The following EIPR1 variants were observed in gnomAD, a reference collection of about 807,000 sequenced individuals.
The protein encoded by EIPR1 is EARP complex and GARP complex interacting protein 1.
Under a neutral mutation model 48.1 loss-of-function variants are expected in EIPR1, and 25 were observed. The ratio of observed to expected loss-of-function variants is 0.52; its 90% CI spans 0.38 to 0.73. The LOEUF is 0.73. Among genes scored for constraint, EIPR1 ranks in the 30% least tolerant of loss-of-function variants. EIPR1 has a pLI of 0.00. For missense variants in EIPR1, 415 were observed against 506.2 expected (o/e 0.82, Z 1.73); for synonymous variants, 204 against 201.9 (o/e 1.01, Z -0.09).
At chr2:3,317,582 C>T (rs1669351310) in intron 3 of EIPR1, among the ~76,000 whole-genome samples, 1 of 152,208 alleles carries the variant, frequency 6.6e-6, no homozygotes, top group African/African-American at 2.4e-5. Context: ...AGGCCCCTCC[C>T]ACCTTACTTA....
chr2:3,376,503 C>A (rs184448261), intron 1 of EIPR1, among the ~76,000 whole-genome samples: 1 of 152,204 alleles, frequency 6.6e-6, no homozygotes, highest in African/African-American at 2.4e-5. Flanking sequence ...CCAGCCAGGC[C>A]AAGATGGTGA....
chr2:3,296,656 C>A (rs1572410412), intron 3 of EIPR1, among the ~76,000 whole-genome samples: 2 of 139,258 alleles, frequency 1.4e-5, no homozygotes, highest in South Asian at 2.5e-4. Flanking sequence ...CAGCCCATCC[C>A]GTCTACACAC....
At chr2:3,196,809 T>C in intron 6 of EIPR1, 72 bp downstream of exon 6, 2 of 1,569,528 alleles carry the variant, frequency 1.3e-6, no homozygotes, top group Non-Finnish European at 1.7e-6. Flanking sequence ...CACCATCAGC[T>C]CCACCATCAT....
At chr2:3,370,050 G>A (rs1671075420) in intron 1 of EIPR1, among the ~76,000 whole-genome samples, 1 of 152,170 alleles carries the variant, frequency 6.6e-6, no homozygotes, top group Non-Finnish European at 1.5e-5. Context: ...ACTTCCAGAG[G>A]AACGATCATA....
In EIPR1 at chr2:3,276,096, CCATT is replaced by C. The variant is rs964244198; in HGVS notation, c.260-18645_260-18642del. Among the ~76,000 whole-genome samples the C allele has an allele frequency of 1.6e-4, 25 of 152,160 alleles. 1 individual carries two copies. Among genetic ancestry groups the C allele is most frequent in the Admixed American group, 1.4e-3 (21 of 15,276 alleles). On this transcript the variant is annotated intron_variant, in intron 3 of 8. Transcript: ENST00000382125. ...AAAGGACACCACTAAAGTGAAGAAA[CCATT>C]CAATTTCATAGGCATTGCTATGAAA...
At chr2:3,243,701 C>G (rs1476661275) in intron 4 of EIPR1, among the ~76,000 whole-genome samples, 2 of 152,092 alleles carry the variant, frequency 1.3e-5, no homozygotes, top group East Asian at 3.9e-4. Flanking sequence ...ACAAGCAAAA[C>G]CAGGACCATT....
intron 3 of EIPR1, among the ~76,000 whole-genome samples, chr2:3,280,779 G>A (rs1667990854): frequency 6.6e-6 from 1 of 152,140 alleles, no homozygotes; most frequent in African/African-American, 2.4e-5. Context: ...AGTGAAAGCT[G>A]TGCCTTCCAG....
chr2:3,202,087 G>C (rs186683279), intron 5 of EIPR1, among the ~76,000 whole-genome samples: 1 of 151,956 alleles, frequency 6.6e-6, no homozygotes, highest in Admixed American at 6.6e-5. Context: ...ACAGGCGCCC[G>C]CCACCACGCC....
intron 2 of EIPR1, among the ~76,000 whole-genome samples, chr2:3,347,825 G>A (rs777096246): frequency 6.6e-6 from 1 of 152,222 alleles, no homozygotes; most frequent in African/African-American, 2.4e-5. Context: ...AGTCAGGGAC[G>A]CTTAGTGACA....
chr2:3,353,242 A>C, intron 2 of EIPR1: 1 of 471,196 alleles, frequency 2.1e-6, no homozygotes, highest in Non-Finnish European at 4.4e-6. Context: ...GTCTTGGAAC[A>C]CATCCCCTGT....
chr2:3,326,254 T>A (rs1218706847), intron 3 of EIPR1, among the ~76,000 whole-genome samples: 1 of 152,200 alleles, frequency 6.6e-6, no homozygotes, highest in Non-Finnish European at 1.5e-5. Flanking sequence ...TCTCATTATT[T>A]AACAGCGGTG....
In EIPR1 at chr2:3,189,566, G is replaced by C. The variant is rs6726532; in HGVS notation, c.990-58C>G. On this transcript the variant is annotated intron_variant, in intron 8 of 8. Transcript: ENST00000382125. The surrounding 1 kb of genome is among the most constrained non-coding windows in gnomAD (Gnocchi z 4.6). ...CAGCTCCGGCGGGGCGGGCAGGAGA[G>C]GGGCAGGGAGGACGCGAGCGCTGAC... 7.6e-6 allele frequency: 11 copies of C among 1,454,910 alleles called. No individual in the cohort carries two copies. In the South Asian group the frequency reaches 1.6e-4, roughly 21 times the overall value. The allele number at this position is 1,454,910 out of a possible 1,614,324, so 90.1% of individuals were successfully genotyped here.
At chr2:3,285,237 G>A (rs746606114) in intron 3 of EIPR1, among the ~76,000 whole-genome samples, 15 of 152,106 alleles carry the variant, frequency 9.9e-5, no homozygotes, top group Non-Finnish European at 2.1e-4. Flanking sequence ...GGAGAAGCAG[G>A]CTCCAAGCAC....
At chr2:3,339,415 C>T (rs1456385552) in intron 2 of EIPR1, among the ~76,000 whole-genome samples, 1 of 152,258 alleles carries the variant, frequency 6.6e-6, no homozygotes, top group African/African-American at 2.4e-5. Context: ...AGCACCTACA[C>T]ATCACCCAGG....
intron 4 of EIPR1, among the ~76,000 whole-genome samples, chr2:3,241,552 A>G (rs961937001): frequency 1.3e-5 from 2 of 152,240 alleles, no homozygotes; most frequent in African/African-American, 4.8e-5. Context: ...TCGCTACTCC[A>G]AACTAAGACG....
chr2:3,214,408 A>C, intron 4 of EIPR1, 160 bp from the exon 5 acceptor site: 1 of 601,658 alleles, frequency 1.7e-6, no homozygotes, highest in East Asian at 3.0e-5. Flanking sequence ...GCCTGACAAC[A>C]CTGTTGTTGT....
rs536280061 is a variant in EIPR1, at chr2:3,229,919, T to C, written c.417-15671A>G. Among the ~76,000 whole-genome samples the C allele has an allele frequency of 1.1e-4, 17 of 152,342 alleles. No individual in the cohort carries two copies. In the South Asian group the frequency reaches 1.9e-3, roughly 17 times the overall value. On this transcript the variant is annotated intron_variant, in intron 4 of 8. Transcript: ENST00000382125. Reference sequence around the variant, plus strand: ...CATGACTTTCTGTGCTATAGATAAATACAAATCCTTCCTTTTTTTCTTATC... The same window carrying C: ...CATGACTTTCTGTGCTATAGATAAACACAAATCCTTCCTTTTTTTCTTATC...
At chr2:3,292,875 A>G (rs999481625) in intron 3 of EIPR1, among the ~76,000 whole-genome samples, 11 of 152,038 alleles carry the variant, frequency 7.2e-5, no homozygotes, top group Non-Finnish European at 1.0e-4. Context: ...AAAAAAAACT[A>G]AAACTAAATA....
intron 3 of EIPR1, among the ~76,000 whole-genome samples, chr2:3,271,315 A>T (rs1181960252): frequency 6.6e-6 from 1 of 152,174 alleles, no homozygotes; most frequent in Non-Finnish European, 1.5e-5. Flanking sequence ...TAAATCGCAA[A>T]TGTTCTTAAT....
Sources: gnomAD v4.1 joint callset for allele counts (sites outside exome capture counted in the v4.1 genomes callset) on GRCh38, gnomAD v4.1.1 for gene constraint, Gnocchi (gnomAD v3.1) non-coding constraint, MANE v1.5 for transcripts, NCBI Gene and HGNC (gene_info 2026-07-23, HGNC 2026-07-21) for gene names.